Variants in AP2A2 observed in about 807,000 individuals in gnomAD.
AP2A2 encodes the protein adaptor related protein complex 2 subunit alpha 2, also known as AP-2 complex subunit alpha-2.
Under a neutral mutation model 104.2 loss-of-function variants are expected in AP2A2, and 32 were observed. The observed-to-expected ratio is 0.31, with a 90% CI of 0.23 to 0.41. AP2A2 has a LOEUF of 0.41. Among genes scored for constraint, AP2A2 ranks in the 10% least tolerant of loss-of-function variants. AP2A2 has a pLI of 1.00. For missense variants in AP2A2, 912 were observed against 1,261.0 expected (o/e 0.72, Z 4.19); for synonymous variants, 539 against 533.3 (o/e 1.01, Z -0.15).
At chr11:953,568 C>T (rs946479790) in intron 1 of AP2A2, among the ~76,000 whole-genome samples, 1 of 151,526 alleles carries the variant, frequency 6.6e-6, no homozygotes, top group South Asian at 2.1e-4. Flanking sequence ...ATTGTCTTCA[C>T]ACAGTGGCCT....
At chr11:944,161 G>A (rs564053962) in intron 1 of AP2A2, among the ~76,000 whole-genome samples, 1 of 152,330 alleles carries the variant, frequency 6.6e-6, no homozygotes, top group Non-Finnish European at 1.5e-5. Flanking sequence ...GATGTGATGG[G>A]GGCCCCGAAG....
intron 5 of AP2A2, among the ~76,000 whole-genome samples, chr11:979,860 C>G (rs1474944120): frequency 6.6e-6 from 1 of 152,198 alleles, no homozygotes; most frequent in African/African-American, 2.4e-5. Flanking sequence ...GCCACCGTGC[C>G]CACGCAAGTA....
chr11:982,380 A>AT (rs926211159), intron 6 of AP2A2, among the ~76,000 whole-genome samples: 6 of 152,112 alleles, frequency 3.9e-5, no homozygotes, highest in Admixed American at 6.6e-5. Flanking sequence ...CATTTTCCAG[A>AT]TTATCAATGA....
chr11:936,251 C>T (rs143182022), intron 1 of AP2A2, among the ~76,000 whole-genome samples: 3,538 of 134,178 alleles, frequency 0.026, 134 homozygotes, highest in African/African-American at 0.083. Context: ...GTCTTGCTGT[C>T]GCCCAGGCTG....
At chr11:1,007,863 C>T (rs149270183) in intron 17 of AP2A2, 149 bp from the exon 18 acceptor site, 66 of 1,084,918 alleles carry the variant, frequency 6.1e-5, no homozygotes, top group East Asian at 6.0e-4. Context: ...AGGGCAGGGC[C>T]GGGTGGTGTG....
At chr11:941,240 G>T (rs867337626) in intron 1 of AP2A2, among the ~76,000 whole-genome samples, 4 of 152,240 alleles carry the variant, frequency 2.6e-5, no homozygotes, top group Middle Eastern at 6.8e-3. Flanking sequence ...CCCTCCTGCA[G>T]GTAGCTGGGG....
rs745834045 is a variant in AP2A2 at position 994,074 on chromosome 11, G to T, written c.1785G>T (p.Ala595=). 1 of 1,612,562 alleles carries T rather than the reference G, an allele frequency of 6.2e-7. No individual in the cohort carries two copies. Among genetic ancestry groups the T allele is most frequent in the Non-Finnish European group, 8.5e-7 (1 of 1,179,708 alleles). The change falls in exon 14 of 22, where the codon GCG becomes GCT. Residue 595 remains alanine, a splice_region_variant and synonymous_variant. Transcript: ENST00000448903. ...TCCCACCCTGTGTTCTTTCCAAGGCGACCGTGCTGGAGGAGATGCCCCCAT... is the reference window on the plus strand; with the variant it reads ...TCCCACCCTGTGTTCTTTCCAAGGCTACCGTGCTGGAGGAGATGCCCCCAT... The part of the protein sequence containing the change: ...LSTVASTDIL[A]TVLEEMPPFP...
chr11:983,824 C>T (rs985442633), intron 6 of AP2A2, among the ~76,000 whole-genome samples: 1 of 152,166 alleles, frequency 6.6e-6, no homozygotes, highest in Admixed American at 6.5e-5. Context: ...TCATGTTGGC[C>T]GTGTCTGTGT....
At chr11:995,307 T>C (rs1210176709) in intron 14 of AP2A2, 1 of 455,930 alleles carries the variant, frequency 2.2e-6, no homozygotes. Flanking sequence ...AGAATAATCC[T>C]GTAACAGAAT....
intron 1 of AP2A2, among the ~76,000 whole-genome samples, chr11:937,824 A>G (rs1452419613): frequency 6.6e-6 from 1 of 152,214 alleles, no homozygotes; most frequent in Non-Finnish European, 1.5e-5. Context: ...ACCATCACAA[A>G]TTGGAGACTG....
intron 1 of AP2A2, among the ~76,000 whole-genome samples, chr11:951,833 C>T (rs1231556127): frequency 1.3e-5 from 2 of 152,126 alleles, no homozygotes; most frequent in African/African-American, 4.8e-5. Flanking sequence ...AATTCTTGGG[C>T]TTGGTCAATT....
intron 16 of AP2A2, among the ~76,000 whole-genome samples, chr11:1,005,682 A>G (rs962461823): frequency 6.6e-6 from 1 of 152,184 alleles, no homozygotes; most frequent in African/African-American, 2.4e-5. Context: ...AAAAAAGAGA[A>G]TTAGTCCTCT....
intron 14 of AP2A2, among the ~76,000 whole-genome samples, chr11:998,809 T>A (rs1352655502): frequency 6.6e-6 from 1 of 152,144 alleles, no homozygotes; most frequent in East Asian, 1.9e-4. Context: ...TTCTCCTGCC[T>A]CCACCTCCTG....
At chr11:927,257 G>T (rs370095577) in intron 1 of AP2A2, among the ~76,000 whole-genome samples, 13,410 of 149,114 alleles carry the variant, frequency 0.09, 814 homozygotes, top group Non-Finnish European at 0.14. Flanking sequence ...AGATGGGGGG[G>T]TCTCGCCATG....
chr11:988,493 C>T lies in AP2A2; in HGVS notation c.1132-59C>T, dbSNP rs1403379375. On this transcript the variant is annotated intron_variant, in intron 9 of 21. Transcript: ENST00000448903. Reference sequence around the variant, plus strand: ...ATGCGGGTGCCGAGCCTGTCCCCAGCCTGTCCCCAAGCTTGTGCCTTGCTC... The same window carrying T: ...ATGCGGGTGCCGAGCCTGTCCCCAGTCTGTCCCCAAGCTTGTGCCTTGCTC... 6 of 1,582,098 alleles carry T rather than the reference C, an allele frequency of 3.8e-6. No individual in the cohort carries two copies. The East Asian group carries it at 1.3e-4, about 36-fold the overall frequency.
intron 1 of AP2A2, among the ~76,000 whole-genome samples, chr11:944,392 A>G (rs1030611171): frequency 5.9e-5 from 9 of 152,322 alleles, no homozygotes; most frequent in South Asian, 2.1e-4. Context: ...GGCACTTCCC[A>G]GGATTCTGGG....
chr11:1,010,570 C>G lies in AP2A2; in HGVS notation c.2765C>G (p.Thr922Arg), dbSNP rs1856393300. 2 of 1,596,644 alleles carry G rather than the reference C, an allele frequency of 1.3e-6. No homozygotes were observed. The highest frequency in any genetic ancestry group is 8.5e-7 in the Non-Finnish European group (1 of 1,171,896). The change falls in exon 22 of 22, where the codon ACA (threonine) becomes AGA (arginine). Residue 922 changes from threonine to arginine, a missense_variant. Transcript: ENST00000448903. ...CAGATGTACCGGCTCACGCTGCGCA[C>G]AAGTAAGGAAGCCGTTTCTCAGAGA... ...QAQMYRLTLR[T>R]SKEAVSQRLC... is the part of the protein sequence containing the mutation.
In AP2A2 at chr11:925,960, T is replaced by G; in HGVS notation, c.-62T>G. 7.7e-7 allele frequency: 1 copy of G among 1,299,222 alleles called. No homozygotes were observed. Among genetic ancestry groups the G allele is most frequent in the Non-Finnish European group, 1.0e-6 (1 of 991,872 alleles). The allele number at this position is 1,299,222 out of a possible 1,614,324, so 80.5% of individuals were successfully genotyped here. The stretch of plus-strand genomic sequence containing the variant: ...GGTGACGGCGACCGCACTCCCCGCT[T>G]CCCGCTCCCCGCGCTCCTCCGCCCG... On this transcript the variant is annotated 5_prime_UTR_variant, in exon 1 of 22. Transcript: ENST00000448903.
At chr11:967,090 C>T (rs573562489) in intron 2 of AP2A2, among the ~76,000 whole-genome samples, 1 of 152,178 alleles carries the variant, frequency 6.6e-6, no homozygotes, top group East Asian at 2.0e-4. Context: ...TCGCTTGAAC[C>T]TGGGAGGTGG....
Sources: gnomAD v4.1 joint callset for allele counts (sites outside exome capture counted in the v4.1 genomes callset) on GRCh38, gnomAD v4.1.1 for gene constraint, MANE v1.5 for transcripts, NCBI Gene and HGNC (gene_info 2026-07-23, HGNC 2026-07-21) for gene names.